Variants in BPIFB2 observed in about 807,000 individuals in gnomAD.
The protein encoded by BPIFB2 is BPI fold containing family B member 2, also known as BPI fold-containing family B member 2.
A neutral mutation model predicts 50.1 loss-of-function variants in BPIFB2; 39 were observed. The ratio of observed to expected loss-of-function variants is 0.78; its 90% CI spans 0.60 to 1.02. The LOEUF (loss-of-function observed/expected upper bound fraction) is 1.02, where lower values mean the gene tolerates loss of function less well. Among genes scored for constraint, BPIFB2 ranks in the 50% least tolerant of loss-of-function variants. The probability of loss-of-function intolerance (pLI) is 0.00; values close to 1 mark genes in which losing one functional copy is unlikely to be tolerated. For missense variants in BPIFB2, 574 were observed against 585.8 expected (o/e 0.98, Z 0.21); for synonymous variants, 280 against 256.3 (o/e 1.09, Z -0.88).
chr20:33,018,467 T>C, intron 8 of BPIFB2, 117 bp downstream of exon 8: 1 of 1,291,408 alleles, frequency 7.7e-7, no homozygotes, highest in South Asian at 1.4e-5. Flanking sequence ...GCTGGAATAG[T>C]GTCCCAGCCG....
At chr20:33,015,642 A>T in intron 6 of BPIFB2, 146 bp downstream of exon 6, 1 of 744,692 alleles carries the variant, frequency 1.3e-6, no homozygotes, top group Non-Finnish European at 2.1e-6. Context: ...CCATGAAGGC[A>T]GGGAAAAGGC....
Position 33,021,779 on chromosome 20 carries a change from C to A in BPIFB2, c.1315C>A (p.Pro439Thr), listed in dbSNP as rs1978682859. 6.2e-7 allele frequency: 1 copy of A among 1,613,984 alleles called. No individual in the cohort carries two copies. Among genetic ancestry groups the A allele is most frequent in the Admixed American group, 1.7e-5 (1 of 60,024 alleles). The stretch of plus-strand genomic sequence containing the variant: ...TGTGGTCAACCTCCACTATGTCGCC[C>A]CTGAGATCTTTGTCTATGAGGTGAG... The part of the protein sequence containing the change: ...PGVVNLHYVA[P>T]EIFVYEGYVV... The change falls in exon 15 of 16, where the codon CCT becomes ACT. Residue 439 changes from proline to threonine, a missense_variant. Coordinates refer to ENST00000170150, the MANE Select transcript of BPIFB2 (RefSeq NM_025227.3).
intron 6 of BPIFB2, among the ~76,000 whole-genome samples, chr20:33,016,453 C>T (rs535690164): frequency 2.6e-5 from 4 of 152,318 alleles, no homozygotes; most frequent in East Asian, 3.9e-4. Context: ...CTCTTCCTCT[C>T]GACCTCGCCC....
rs564651349 is a variant in BPIFB2, at chr20:33,017,174, G to T, written c.577+72G>T. 29 of 1,437,324 alleles carry T rather than the reference G, an allele frequency of 2.0e-5. No homozygotes were observed. The East Asian group carries it at 5.5e-4, about 27-fold the overall frequency. 89.0% of individuals were successfully genotyped at this position (1,437,324 alleles called of 1,614,324 possible). A position where few individuals can be genotyped will look rare whatever the true frequency, so the allele number is the denominator to read the frequency against. ...CTGGAGCCCCTAGAACCCTCCAAAG[G>T]CTCCACTCTGGATCACGGTCGACCT... On this transcript the variant is annotated intron_variant, in intron 7 of 15. Coordinates refer to ENST00000170150, the MANE Select transcript of BPIFB2 (RefSeq NM_025227.3).
intron 8 of BPIFB2, 81 bp from the exon 9 acceptor site, chr20:33,018,556 G>A (rs1341737736): frequency 5.5e-6 from 8 of 1,455,306 alleles, no homozygotes; most frequent in East Asian, 2.3e-5. Flanking sequence ...GTGGCATCTA[G>A]GAGTCCAGGT....
At position 33,019,565 on chromosome 20, in the gene BPIFB2, C is replaced by T. The variant is rs770270719; in HGVS notation, c.910-15C>T. Reference sequence around the variant, plus strand: ...CGCTGCCTCAGCAGGGCCTCCTCCGCCTCTGCCTCCCCAGGTGGCCCGCCA... The same window carrying T: ...CGCTGCCTCAGCAGGGCCTCCTCCGTCTCTGCCTCCCCAGGTGGCCCGCCA... On this transcript the variant is annotated splice_polypyrimidine_tract_variant and intron_variant, in intron 10 of 15. Coordinates refer to ENST00000170150, the MANE Select transcript of BPIFB2 (RefSeq NM_025227.3). 1.9e-6 allele frequency: 3 copies of T among 1,572,718 alleles called. No homozygotes were observed. In the South Asian group the frequency reaches 3.5e-5, roughly 18 times the overall value.
Position 33,012,841 on chromosome 20 carries a change from T to C in BPIFB2, c.242T>C (p.Leu81Pro). 1 of 1,614,098 alleles carries C rather than the reference T, an allele frequency of 6.2e-7. No individual in the cohort carries two copies. The highest frequency in any genetic ancestry group is 8.5e-7 in the Non-Finnish European group (1 of 1,179,958). ...ILNVHVPRLHLKFIAGFGVRL... is the reference protein window; with the variant it reads ...ILNVHVPRLHPKFIAGFGVRL... The stretch of plus-strand genomic sequence containing the variant: ...AATGTCCATGTGCCCCGCCTCCACC[T>C]GAAATTCATTGCTGGTTTCGGAGTG... The change falls in exon 4 of 16, where the codon CTG (leucine) becomes CCG (proline). Residue 81 changes from leucine (L) to proline (P), a missense_variant. Transcript: ENST00000170150.
intron 13 of BPIFB2, among the ~76,000 whole-genome samples, chr20:33,020,962 G>C (rs541255714): frequency 6.6e-6 from 1 of 152,272 alleles, no homozygotes; most frequent in Non-Finnish European, 1.5e-5. Flanking sequence ...GGTCATCTGC[G>C]TCAGGCAGTC....
chr20:33,021,438 C>T, intron 14 of BPIFB2, 94 bp downstream of exon 14: 1 of 1,394,058 alleles, frequency 7.2e-7, no homozygotes, highest in Non-Finnish European at 9.9e-7. Flanking sequence ...TCCCACCTCC[C>T]AGGCTCACAG....
chr20:33,015,365 T>C (rs1978379258), intron 5 of BPIFB2, 71 bp from the exon 6 acceptor site: 1 of 1,403,832 alleles, frequency 7.1e-7, no homozygotes, highest in African/African-American at 1.4e-5. Flanking sequence ...TTCCCAGACG[T>C]GCGACTGTGC....
chr20:33,012,051 T>C (rs1990296402), intron 3 of BPIFB2, among the ~76,000 whole-genome samples: 1 of 151,990 alleles, frequency 6.6e-6, no homozygotes, highest in Non-Finnish European at 1.5e-5. Flanking sequence ...CCTGGAACAA[T>C]GGGTGGATGG....
rs1303976714 is a variant in BPIFB2, at chr20:33,009,609, CG to C, written c.109+929del. ...ACACAGCCTTCCGGGACCTCATATC[CG>C]GGCTGATGGGCAGGCAATGAAAGGG... On this transcript the variant is annotated intron_variant, in intron 2 of 15. Transcript: ENST00000170150. This position sits in a 1 kb window ranked among gnomAD's most constrained non-coding sequence, Gnocchi z 4.2. Among the ~76,000 whole-genome samples the C allele has an allele frequency of 6.6e-6, 1 of 152,184 alleles. No individual in the cohort carries two copies. The highest frequency in any genetic ancestry group is 1.5e-5 in the Non-Finnish European group (1 of 68,026).
At chr20:33,015,734 C>T (rs1163950362) in intron 6 of BPIFB2, among the ~76,000 whole-genome samples, 2 of 152,010 alleles carry the variant, frequency 1.3e-5, no homozygotes, top group African/African-American at 4.8e-5. Context: ...GAGGTTCATC[C>T]TCTTAGGGCA....
At chr20:33,010,294 A>G (rs1990268253) in intron 2 of BPIFB2, among the ~76,000 whole-genome samples, 1 of 152,184 alleles carries the variant, frequency 6.6e-6, no homozygotes, top group South Asian at 2.1e-4. Context: ...CCTCTCTGTA[A>G]ACTGGGCACG....
rs750165753 is a variant in BPIFB2 at position 33,018,629 on chromosome 20, C to T, written c.670-8C>T. 1.2e-6 allele frequency: 2 copies of T among 1,600,966 alleles called. No homozygotes were observed. The highest frequency in any genetic ancestry group is 1.7e-6 in the Non-Finnish European group (2 of 1,172,592). ...CTTTTCTCCCACTTCCCCCTCCCAC[C>T]CCTACAGGCTGTTCTCTTCCTGCTG... On this transcript the variant is annotated splice_region_variant and splice_polypyrimidine_tract_variant and intron_variant, in intron 8 of 15. Coordinates refer to ENST00000170150, the MANE Select transcript of BPIFB2 (RefSeq NM_025227.3).
chr20:33,008,462 C>T, intron 1 of BPIFB2, 79 bp from the exon 2 acceptor site: 1 of 792,104 alleles, frequency 1.3e-6, no homozygotes, highest in Non-Finnish European at 2.0e-6. Flanking sequence ...GGCTTGTTCC[C>T]TCCAGGCTGG....
Position 33,018,739 on chromosome 20 carries a change from G to A in BPIFB2, c.772G>A (p.Gly258Ser). ...VGTEGSMATV[G>S]LSQQLFDSAL... ...TACCGAGGGCTCCATGGCCACCGTG[G>A]GCCTCTCCCAGCAGCTGTTTGACTC... Residue 258 changes from glycine to serine, a missense_variant, in exon 9 of 16, where the codon GGC (glycine) becomes AGC (serine). Gly to Ser is a moderately conservative substitution (Grantham distance 56, BLOSUM62 0). Coordinates refer to ENST00000170150, the MANE Select transcript of BPIFB2 (RefSeq NM_025227.3). 1.2e-6 allele frequency: 2 copies of A among 1,614,196 alleles called. No homozygotes were observed. The highest frequency in any genetic ancestry group is 8.5e-7 in the Non-Finnish European group (1 of 1,180,034).
Position 33,008,574 on chromosome 20 carries a change from C to T in BPIFB2, c.-1C>T, listed in dbSNP as rs139467510. On this transcript the variant is annotated 5_prime_UTR_variant, in exon 2 of 16. Transcript: ENST00000170150. ...TCCTGTGGGCAGCGGCCAGGGCAGC[C>T]ATGGCTTGGGCAAGTAGGCTGGGCC... The T allele has an allele frequency of 1.1e-4, 173 of 1,591,242 alleles. 1 individual carries two copies. In the African/African-American group the frequency reaches 1.9e-3, roughly 17 times the overall value.
At chr20:33,011,456 A>C (rs1254866719) in intron 3 of BPIFB2, among the ~76,000 whole-genome samples, 3 of 152,112 alleles carry the variant, frequency 2.0e-5, no homozygotes, top group Non-Finnish European at 2.9e-5. Context: ...TAGAAACTGG[A>C]TACTGAATTT....
Sources: allele counts gnomAD v4.1 joint callset (sites outside exome capture counted in the v4.1 genomes callset), GRCh38; gene constraint gnomAD v4.1.1; non-coding constraint Gnocchi (gnomAD v3.1); transcripts MANE v1.5; gene names NCBI Gene and HGNC (gene_info 2026-07-23, HGNC 2026-07-21).